Variants in MAD1L1 observed in about 807,000 individuals in gnomAD.
MAD1L1 encodes mitotic arrest deficient 1 like 1.
In MAD1L1, 95 loss-of-function variants were observed where a neutral mutation model predicts 96.9. The ratio of observed to expected loss-of-function variants is 0.98; its 90% CI spans 0.83 to 1.16. The LOEUF is 1.16. Among genes scored for constraint, MAD1L1 ranks in the 50% most tolerant of loss-of-function variants. The probability of loss-of-function intolerance (pLI) is 0.00; values close to 1 mark genes in which losing one functional copy is unlikely to be tolerated. For synonymous variants in MAD1L1, 473 were observed against 396.6 expected (o/e 1.19, Z -2.29); for missense variants, 1,007 against 954.4 (o/e 1.06, Z -0.73).
At chr7:1,824,629 C>T (rs1437222773) in intron 18 of MAD1L1, among the ~76,000 whole-genome samples, 1 of 152,170 alleles carries the variant, frequency 6.6e-6, no homozygotes. Flanking sequence ...CACAGAGGCT[C>T]CCCCACCAGG....
chr7:2,015,862 A>G (rs1380098115), intron 12 of MAD1L1, among the ~76,000 whole-genome samples: 1 of 152,180 alleles, frequency 6.6e-6, no homozygotes, highest in Non-Finnish European at 1.5e-5. Flanking sequence ...CCCTTCTAAC[A>G]TGTGCCCCAG....
chr7:1,881,049 T>C (rs1280735934), intron 18 of MAD1L1, among the ~76,000 whole-genome samples: 1 of 152,202 alleles, frequency 6.6e-6, no homozygotes, highest in Non-Finnish European at 1.5e-5. Context: ...CCCGGTGTGC[T>C]GATCTTCATA....
intron 18 of MAD1L1, among the ~76,000 whole-genome samples, chr7:1,892,067 G>A (rs931663962): frequency 2.6e-5 from 4 of 152,164 alleles, no homozygotes; most frequent in Admixed American, 2.0e-4. Context: ...AGCACCCTAC[G>A]CAGGTGCACC....
At chr7:1,821,821 G>A (rs988189298) in intron 18 of MAD1L1, among the ~76,000 whole-genome samples, 2 of 152,152 alleles carry the variant, frequency 1.3e-5, no homozygotes, top group Admixed American at 6.6e-5. Flanking sequence ...CTCAGCTCAC[G>A]CTGCTTCACG....
At chr7:2,062,030 C>A (rs543196127) in intron 12 of MAD1L1, among the ~76,000 whole-genome samples, 1 of 150,746 alleles carries the variant, frequency 6.6e-6, no homozygotes, top group African/African-American at 2.4e-5. Flanking sequence ...CACCTGAGGT[C>A]AGGAGTTCAG....
intron 18 of MAD1L1, among the ~76,000 whole-genome samples, chr7:1,841,863 G>C (rs1325843647): frequency 1.3e-5 from 2 of 152,192 alleles, no homozygotes; most frequent in African/African-American, 4.8e-5. Flanking sequence ...TCCCCTTCCT[G>C]AGCTGGGATT....
intron 11 of MAD1L1, among the ~76,000 whole-genome samples, chr7:2,113,872 G>A (rs983540426): frequency 7.9e-5 from 12 of 152,172 alleles, no homozygotes; most frequent in African/African-American, 1.9e-4. Flanking sequence ...ACACCAGCCC[G>A]TGCTCTCGAA....
At chr7:1,896,584 G>A (rs1786885264) in intron 18 of MAD1L1, among the ~76,000 whole-genome samples, 1 of 152,236 alleles carries the variant, frequency 6.6e-6, no homozygotes, top group African/African-American at 2.4e-5. Flanking sequence ...GCCTAGGCAT[G>A]TGCCTACGTA....
intron 16 of MAD1L1, among the ~76,000 whole-genome samples, chr7:1,947,970 C>T (rs1435589738): frequency 6.6e-6 from 1 of 152,182 alleles, no homozygotes; most frequent in Non-Finnish European, 1.5e-5. Flanking sequence ...AACTGAGGCC[C>T]AAGGAGGGAC....
At chr7:2,013,020 C>T (rs868501000) in intron 13 of MAD1L1, among the ~76,000 whole-genome samples, 19 of 152,358 alleles carry the variant, frequency 1.2e-4, no homozygotes, top group Admixed American at 4.6e-4. Context: ...ATCCTTTCTC[C>T]AGAAATTCAG....
chr7:1,888,720 T>C (rs1786343661), intron 18 of MAD1L1, among the ~76,000 whole-genome samples: 1 of 152,020 alleles, frequency 6.6e-6, no homozygotes, highest in African/African-American at 2.4e-5. Flanking sequence ...TGCCCGTGCA[T>C]GTGGGTGGCT....
At chr7:2,184,673 C>T (rs143785383) in intron 10 of MAD1L1, among the ~76,000 whole-genome samples, 2 of 152,232 alleles carry the variant, frequency 1.3e-5, no homozygotes, top group East Asian at 1.9e-4. Flanking sequence ...GGACAGCAAA[C>T]GGGGAAACAA....
intron 5 of MAD1L1, among the ~76,000 whole-genome samples, chr7:2,220,373 T>C (rs540627957): frequency 2.5e-4 from 38 of 152,294 alleles, no homozygotes; most frequent in African/African-American, 8.7e-4. Context: ...CAGGCGACCT[T>C]CTGAGGACCC....
intron 18 of MAD1L1, among the ~76,000 whole-genome samples, chr7:1,887,327 G>A (rs571687611): frequency 5.3e-5 from 8 of 151,716 alleles, no homozygotes; most frequent in Non-Finnish European, 1.0e-4. Flanking sequence ...GCATGCGCAT[G>A]CGTGGCTGCC....
chr7:2,042,002 G>A (rs773929788), intron 12 of MAD1L1, among the ~76,000 whole-genome samples: 7 of 152,048 alleles, frequency 4.6e-5, no homozygotes, highest in Non-Finnish European at 1.0e-4. Flanking sequence ...AGCAGCAAGG[G>A]ACCATCCAAG....
intron 11 of MAD1L1, among the ~76,000 whole-genome samples, chr7:2,136,045 C>T (rs1197342999): frequency 6.6e-6 from 1 of 152,106 alleles, no homozygotes; most frequent in African/African-American, 2.4e-5. Context: ...CTCCTAGAGC[C>T]CCTATGTCCA....
chr7:1,901,281 T>C (rs774375950), intron 17 of MAD1L1, among the ~76,000 whole-genome samples: 1 of 152,168 alleles, frequency 6.6e-6, no homozygotes, highest in Admixed American at 6.5e-5. Flanking sequence ...AAAAGATGGG[T>C]TTTCCGCCTT....
rs139379655 is a variant in MAD1L1, at chr7:2,007,447, C to T, written c.1360-5326G>A. ...CTGGAATCCCAGCACTTTGGGAGGCCGAGGCGGGTGGATCACCTGAAGTCA... is the reference window on the plus strand; with the variant it reads ...CTGGAATCCCAGCACTTTGGGAGGCTGAGGCGGGTGGATCACCTGAAGTCA... On this transcript the variant is annotated intron_variant, in intron 13 of 18. Transcript: ENST00000265854. 9.6e-3 allele frequency among the ~76,000 whole-genome samples: 1,462 copies of T among 152,268 alleles called. 28 individuals carry two copies. Among genetic ancestry groups the T allele is most frequent in the African/African-American group, 0.033 (1,360 of 41,546 alleles).
intron 10 of MAD1L1, among the ~76,000 whole-genome samples, chr7:2,195,888 G>A (rs1399512133): frequency 6.6e-6 from 1 of 152,266 alleles, no homozygotes; most frequent in East Asian, 1.9e-4. Context: ...GTCTGAAAAA[G>A]AAGCTATCAG....
Sources: allele counts gnomAD v4.1 joint callset (sites outside exome capture counted in the v4.1 genomes callset), GRCh38; gene constraint gnomAD v4.1.1; transcripts MANE v1.5; gene names NCBI Gene and HGNC (gene_info 2026-07-23, HGNC 2026-07-21).